Variants in IQCM observed in about 807,000 individuals in gnomAD.
The protein encoded by IQCM is IQ motif containing M.
IQCM carries 45 observed loss-of-function variants against 57.6 expected under a neutral mutation model. That is an observed-to-expected ratio of 0.78 (90% CI 0.62 to 1.00). The LOEUF (loss-of-function observed/expected upper bound fraction) is 1.00. IQCM is among the 50% of genes least tolerant of loss of function. The pLI is 0.00. For synonymous variants in IQCM, 148 were observed against 158.9 expected (o/e 0.93, Z 0.51); for missense variants, 468 against 511.6 (o/e 0.91, Z 0.82).
intron 12 of IQCM, among the ~76,000 whole-genome samples, chr4:149,505,313 C>T (rs1743687380): frequency 6.6e-6 from 1 of 152,092 alleles, no homozygotes; most frequent in African/African-American, 2.4e-5. Flanking sequence ...TTTGACATAT[C>T]TATTGAGTAG....
intron 12 of IQCM, among the ~76,000 whole-genome samples, chr4:149,539,309 A>G (rs906083727): frequency 2.0e-5 from 3 of 152,314 alleles, no homozygotes; most frequent in Non-Finnish European, 1.5e-5. Flanking sequence ...AGTAGACTAC[A>G]TATTGCATGA....
At chr4:149,352,635 T>C (rs1728658464) in intron 13 of IQCM, among the ~76,000 whole-genome samples, 1 of 152,240 alleles carries the variant, frequency 6.6e-6, no homozygotes, top group Non-Finnish European at 1.5e-5. Context: ...ACCAATTTCC[T>C]ACCAGCACTG....
intron 13 of IQCM, among the ~76,000 whole-genome samples, chr4:149,354,135 C>T (rs928302566): frequency 2.6e-5 from 4 of 151,342 alleles, no homozygotes; most frequent in South Asian, 2.1e-4. Flanking sequence ...GAGGCCGAGG[C>T]GGGTGGATCA....
chr4:149,489,835 C>T (rs553482306), intron 12 of IQCM, among the ~76,000 whole-genome samples: 2 of 151,612 alleles, frequency 1.3e-5, no homozygotes, highest in Admixed American at 1.3e-4. Context: ...TAGAATACAG[C>T]TTTTATCATT....
chr4:149,390,534 T>C (rs1284180834), intron 13 of IQCM, among the ~76,000 whole-genome samples: 1 of 151,954 alleles, frequency 6.6e-6, no homozygotes, highest in Non-Finnish European at 1.5e-5. Context: ...TAATTCCTTC[T>C]CCATTAAATA....
At chr4:149,599,904 T>C (rs1168311204) in intron 8 of IQCM, among the ~76,000 whole-genome samples, 3 of 152,176 alleles carry the variant, frequency 2.0e-5, no homozygotes, top group African/African-American at 7.2e-5. Context: ...ATTGAAGAAA[T>C]GAATTTCCAT....
intron 8 of IQCM, among the ~76,000 whole-genome samples, chr4:149,614,271 G>C (rs1301739285): frequency 1.3e-5 from 2 of 152,060 alleles, no homozygotes; most frequent in Non-Finnish European, 2.9e-5. Context: ...TCAAAGTTAG[G>C]CAAATTCTTT....
Position 149,553,256 on chromosome 4 carries a change from A to G in IQCM, c.980T>C (p.Val327Ala). Residue 327 changes from valine to alanine, a missense_variant, in exon 11 of 14, where the codon GTT becomes GCT. Val to Ala is a moderately conservative substitution (Grantham distance 64). Coordinates refer to ENST00000636793, the MANE Select transcript of IQCM (RefSeq NM_001363507.2). The stretch of plus-strand genomic sequence containing the variant: ...GATTAGTCTGCCATACATGTTAATA[A>G]CTGCTTTCATATCTGGTCCATGATC... ...ALDHGPDMKA[V>A]INMYGRLIHR... The G allele has an allele frequency of 8.1e-7, 1 of 1,231,974 alleles. No homozygotes were observed. The highest frequency in any genetic ancestry group is 1.0e-6 in the Non-Finnish European group (1 of 987,834). The allele number at this position is 1,231,974 out of a possible 1,614,324, so 76.3% of individuals were successfully genotyped here.
intron 5 of IQCM, among the ~76,000 whole-genome samples, chr4:149,731,897 G>T (rs1246667123): frequency 6.6e-6 from 1 of 152,082 alleles, no homozygotes; most frequent in South Asian, 2.1e-4. Flanking sequence ...AGAACCCTTT[G>T]TCAGGTCACT....
chr4:149,469,585 G>A (rs1004721933), intron 12 of IQCM, among the ~76,000 whole-genome samples: 1 of 152,150 alleles, frequency 6.6e-6, no homozygotes, highest in Admixed American at 6.5e-5. Context: ...CCAACCTAGT[G>A]AGGCAGGCCA....
intron 2 of IQCM, among the ~76,000 whole-genome samples, chr4:149,744,849 A>C (rs1374455305): frequency 2.0e-5 from 3 of 152,188 alleles, no homozygotes; most frequent in African/African-American, 7.2e-5. Context: ...CCAAAAACAT[A>C]AATCAAATTT....
At chr4:149,428,846 C>G (rs1734630823) in intron 13 of IQCM, among the ~76,000 whole-genome samples, 1 of 151,538 alleles carries the variant, frequency 6.6e-6, no homozygotes, top group South Asian at 2.1e-4. Flanking sequence ...ACCATGTATT[C>G]TAAGGGCAAG....
At chr4:149,434,392 GT>G (rs1385458745) in intron 12 of IQCM, among the ~76,000 whole-genome samples, 1 of 152,054 alleles carries the variant, frequency 6.6e-6, no homozygotes, top group East Asian at 1.9e-4. Context: ...TGTAATTCTA[GT>G]TTTTGGTTGA....
At chr4:149,456,025 A>G (rs1737664883) in intron 12 of IQCM, among the ~76,000 whole-genome samples, 1 of 151,982 alleles carries the variant, frequency 6.6e-6, no homozygotes, top group African/African-American at 2.4e-5. Flanking sequence ...TTACTTCACC[A>G]TCAGTTAGGT....
chr4:149,567,185 T>A (rs1378240510), intron 9 of IQCM, among the ~76,000 whole-genome samples: 1 of 152,146 alleles, frequency 6.6e-6, no homozygotes, highest in African/African-American at 2.4e-5. Context: ...TTGTGACTTA[T>A]TTGCAAAGTT....
At chr4:149,454,574 T>G (rs1253769806) in intron 12 of IQCM, among the ~76,000 whole-genome samples, 1 of 151,934 alleles carries the variant, frequency 6.6e-6, no homozygotes, top group African/African-American at 2.4e-5. Flanking sequence ...GACAGCCAAT[T>G]TATCTGCAGA....
chr4:149,686,503 T>C (rs936263928), intron 5 of IQCM, 35 bp from the exon 6 acceptor site: 2 of 921,500 alleles, frequency 2.2e-6, no homozygotes, highest in Non-Finnish European at 2.8e-6. Context: ...TGCATACTAT[T>C]AGTTTTCAAG....
intron 7 of IQCM, among the ~76,000 whole-genome samples, chr4:149,667,093 C>T (rs761867134): frequency 1.3e-5 from 2 of 152,172 alleles, no homozygotes; most frequent in Non-Finnish European, 2.9e-5. Flanking sequence ...GGACAGACTG[C>T]CTCCTCAAGT....
At chr4:149,694,053 G>C (rs1763135455) in intron 5 of IQCM, among the ~76,000 whole-genome samples, 1 of 151,938 alleles carries the variant, frequency 6.6e-6, no homozygotes. Flanking sequence ...TGAATCCTCA[G>C]CACTTCCTTA....
Sources: gnomAD v4.1 joint callset for allele counts (sites outside exome capture counted in the v4.1 genomes callset) on GRCh38, gnomAD v4.1.1 for gene constraint, MANE v1.5 for transcripts, NCBI Gene and HGNC (gene_info 2026-07-23, HGNC 2026-07-21) for gene names.